ARMC6: variants seen among roughly 807,000 people sequenced by gnomAD.
ARMC6 encodes the protein armadillo repeat-containing protein 6.
ARMC6 carries 43 observed loss-of-function variants against 49.2 expected under a neutral mutation model. The ratio of observed to expected loss-of-function variants is 0.87; its 90% CI spans 0.69 to 1.13. The LOEUF (loss-of-function observed/expected upper bound fraction) is 1.13. Among genes scored for constraint, ARMC6 ranks in the 50% most tolerant of loss-of-function variants. ARMC6 has a pLI of 0.00. For missense variants in ARMC6, 627 were observed against 682.0 expected, an observed-to-expected ratio of 0.92 and a Z score of 0.90; for synonymous variants, 262 against 289.6, an observed-to-expected ratio of 0.90 and a Z score of 0.97.
intron 3 of ARMC6, among the ~76,000 whole-genome samples, chr19:19,043,638 G>A (rs2059426481): frequency 6.6e-6 from 1 of 152,140 alleles, no homozygotes. Flanking sequence ...CCAGAGCCAG[G>A]AGGGATGGGA....
At chr19:19,035,704 G>T (rs2059359518) in intron 2 of ARMC6, among the ~76,000 whole-genome samples, 1 of 152,172 alleles carries the variant, frequency 6.6e-6, no homozygotes, top group African/African-American at 2.4e-5. Context: ...CAGCCACCTG[G>T]AAGGGCTGGC....
In ARMC6 at chr19:19,044,017, G is replaced by T; in HGVS notation, c.222G>T (p.Lys74Asn). The T allele has an allele frequency of 2.5e-6, 4 of 1,614,174 alleles. No individual in the cohort carries two copies. Among genetic ancestry groups the T allele is most frequent in the Non-Finnish European group, 3.4e-6 (4 of 1,180,006 alleles). The part of the protein sequence containing the change: ...SQGVDLSNIV[K>N]TAPKVSADGS... ...GGGTTGATCTGAGCAACATTGTAAAGACGGCACCTAAAGTCTCTGCAGACG... is the reference window on the plus strand; with the variant it reads ...GGGTTGATCTGAGCAACATTGTAAATACGGCACCTAAAGTCTCTGCAGACG... The change falls in exon 4 of 9, where the codon AAG (lysine) becomes AAT (asparagine). Residue 74 changes from lysine (K) to asparagine (N), a missense_variant. Coordinates refer to ENST00000535612, the MANE Select transcript of ARMC6 (RefSeq NM_001199196.2).
Position 19,055,874 on chromosome 19 carries a change from G to C in ARMC6, c.1239G>C (p.Gly413=). ...GCCGCATCATCGTGGAGGGTGGCGG[G>C]GCTGTGGCAGCACTGCAGGCCATGA... ...DNSRIIVEGG[G]AVAALQAMKA... Residue 413 remains glycine, a synonymous_variant, in exon 8 of 9, where the codon GGG becomes GGC. Coordinates refer to ENST00000535612, the MANE Select transcript of ARMC6 (RefSeq NM_001199196.2). The surrounding 1 kb of genome is among the most constrained non-coding windows in gnomAD (Gnocchi z 5.7). 1 of 1,613,010 alleles carries C rather than the reference G, an allele frequency of 6.2e-7. No homozygotes were observed. The highest frequency in any genetic ancestry group is 8.5e-7 in the Non-Finnish European group (1 of 1,179,600).
chr19:19,045,382 A>G (rs1477081390), intron 4 of ARMC6, among the ~76,000 whole-genome samples: 2 of 151,752 alleles, frequency 1.3e-5, no homozygotes, highest in East Asian at 3.9e-4. Flanking sequence ...TCTTTTTCCT[A>G]CTGATTTGTA....
intron 2 of ARMC6, among the ~76,000 whole-genome samples, chr19:19,036,028 A>T (rs1177649820): frequency 2.0e-5 from 3 of 152,144 alleles, no homozygotes; most frequent in Non-Finnish European, 4.4e-5. Flanking sequence ...TTTATGCCTC[A>T]GTCCGACTCA....
At chr19:19,053,260 G>A (rs1406545546) in intron 5 of ARMC6, among the ~76,000 whole-genome samples, 1 of 152,178 alleles carries the variant, frequency 6.6e-6, no homozygotes, top group Non-Finnish European at 1.5e-5. Context: ...GGCTGAGGTA[G>A]AAGGATTGTT....
chr19:19,054,047 G>C, intron 5 of ARMC6, 105 bp from the exon 6 acceptor site: 1 of 1,236,520 alleles, frequency 8.1e-7, no homozygotes, highest in Non-Finnish European at 1.1e-6. Flanking sequence ...CACTCCAATA[G>C]GCAGAAGGGC....
At chr19:19,038,178 C>T (rs1330295353) in intron 2 of ARMC6, among the ~76,000 whole-genome samples, 1 of 152,152 alleles carries the variant, frequency 6.6e-6, no homozygotes, top group Non-Finnish European at 1.5e-5. Context: ...GTCTAGTTGC[C>T]AGACAACAAG....
In ARMC6 at chr19:19,055,246, G is replaced by A. The variant is rs372718033; in HGVS notation, c.1024-19G>A. ...ACCAGCGGCCTGGCTGGAGGTGAGC[G>A]GGCCTTTCCCTTGTGCAGGAGCTCG... On this transcript the variant is annotated intron_variant, in intron 6 of 8. Transcript: ENST00000535612. The surrounding 1 kb of genome is among the most constrained non-coding windows in gnomAD (Gnocchi z 5.7). The A allele has an allele frequency of 9.5e-5, 149 of 1,571,042 alleles. No individual in the cohort carries two copies. The highest frequency in any genetic ancestry group is 3.9e-4 in the African/African-American group (29 of 73,680).
In ARMC6 at chr19:19,055,415, A is replaced by G. The variant is rs1250542215; in HGVS notation, c.1155+19A>G. 1 of 1,586,598 alleles carries G rather than the reference A, an allele frequency of 6.3e-7. No homozygotes were observed. The highest frequency in any genetic ancestry group is 1.8e-5 in the Admixed American group (1 of 54,746). On this transcript the variant is annotated intron_variant, in intron 7 of 8. Transcript: ENST00000535612. The surrounding 1 kb of genome is among the most constrained non-coding windows in gnomAD (Gnocchi z 5.7). ...CCCCCAGGTACCCACCTCGGGGGGC[A>G]CACACAGTAGCAGGGTGGTGGCTGG...
rs745740883 is a variant in ARMC6, at chr19:19,051,608, C to G, written c.280-14C>G. 10 of 1,573,870 alleles carry G rather than the reference C, an allele frequency of 6.4e-6. No individual in the cohort carries two copies. In the Admixed American group the frequency reaches 9.0e-5, roughly 14 times the overall value. Reference sequence around the variant, plus strand: ...TGCCTGAGCTGATGCTGAGGTTTCTCCCATGTCTCCCAGATGCTCAGTGAC... The same window carrying G: ...TGCCTGAGCTGATGCTGAGGTTTCTGCCATGTCTCCCAGATGCTCAGTGAC... On this transcript the variant is annotated splice_polypyrimidine_tract_variant and intron_variant, in intron 4 of 8. Transcript: ENST00000535612.
chr19:19,036,686 G>C (rs1407498364), intron 2 of ARMC6, among the ~76,000 whole-genome samples: 1 of 152,206 alleles, frequency 6.6e-6, no homozygotes, highest in Non-Finnish European at 1.5e-5. Context: ...AAGGAGAGGG[G>C]CCTATCTGCA....
chr19:19,046,927 G>GGTTT (rs567271086), intron 4 of ARMC6, among the ~76,000 whole-genome samples: 2 of 104,360 alleles, frequency 1.9e-5, no homozygotes, highest in South Asian at 3.4e-4. Flanking sequence ...ATGCTCACCT[G>GGTTT]TTTTTTTTTT....
At position 19,054,329 on chromosome 19, in the gene ARMC6, GT is replaced by G; in HGVS notation, c.1023+9del. On this transcript the variant is annotated intron_variant, in intron 6 of 8. Transcript: ENST00000535612. ...GACCAGAGCGGCGTTCAGGTATGAAGTCCCCCTGGCCCATTGCGTGCTGTCC... is the reference window on the plus strand; with the variant it reads ...GACCAGAGCGGCGTTCAGGTATGAAGCCCCCTGGCCCATTGCGTGCTGTCC... 6.4e-7 allele frequency: 1 copy of G among 1,563,970 alleles called. No individual in the cohort carries two copies.
chr19:19,043,078 A>G (rs531648767), intron 3 of ARMC6, among the ~76,000 whole-genome samples: 2 of 152,254 alleles, frequency 1.3e-5, no homozygotes, highest in East Asian at 1.9e-4. Flanking sequence ...CCTCGCCCAG[A>G]TATTTGTGGG....
chr19:19,051,517 C>A, intron 4 of ARMC6, 105 bp from the exon 5 acceptor site: 1 of 1,087,266 alleles, frequency 9.2e-7, no homozygotes, highest in Non-Finnish European at 1.3e-6. Context: ...CCACTGCAGG[C>A]CCAGATCCCA....
intron 2 of ARMC6, among the ~76,000 whole-genome samples, chr19:19,039,002 G>A (rs748503184): frequency 1.3e-5 from 2 of 151,652 alleles, no homozygotes; most frequent in Non-Finnish European, 2.9e-5. Context: ...TGATCCCCCC[G>A]CCTTAGCCTC....
Position 19,055,279 on chromosome 19 carries a change from A to G in ARMC6, c.1038A>G (p.Gln346=). The G allele has an allele frequency of 6.2e-7, 1 of 1,604,988 alleles. No homozygotes were observed. Among genetic ancestry groups the G allele is most frequent in the African/African-American group, 1.3e-5 (1 of 74,812 alleles). The change falls in exon 7 of 9, where the codon CAA becomes CAG. Residue 346 remains glutamine, a synonymous_variant. Transcript: ENST00000535612. This position sits in a 1 kb window ranked among gnomAD's most constrained non-coding sequence, Gnocchi z 5.7. ...CCCTTGTGCAGGAGCTCGTGAAGCAAGTGCTGAGCACCCTGCGAGCCATCG... is the reference window on the plus strand; with the variant it reads ...CCCTTGTGCAGGAGCTCGTGAAGCAGGTGCTGAGCACCCTGCGAGCCATCG... The part of the protein sequence containing the change: ...DQSGVQELVK[Q]VLSTLRAIAG...
At chr19:19,054,009 T>A (rs1290719582) in intron 5 of ARMC6, 143 bp from the exon 6 acceptor site, 1 of 732,092 alleles carries the variant, frequency 1.4e-6, no homozygotes, top group African/African-American at 1.9e-5. Flanking sequence ...CCCCTGGTGT[T>A]CCCTGGGGCC....
Sources: allele counts gnomAD v4.1 joint callset (sites outside exome capture counted in the v4.1 genomes callset), GRCh38; gene constraint gnomAD v4.1.1; non-coding constraint Gnocchi (gnomAD v3.1); transcripts MANE v1.5; gene names NCBI Gene and HGNC (gene_info 2026-07-23, HGNC 2026-07-21).